KRT17: variants seen among roughly 807,000 people sequenced by gnomAD.
KRT17 encodes keratin 17, also known as keratin, type I cytoskeletal 17.
In KRT17, 29 loss-of-function variants were observed where a neutral mutation model predicts 45.6. The observed-to-expected ratio is 0.64, with a 90% CI of 0.47 to 0.87. KRT17 has a LOEUF of 0.87. Ranked by LOEUF, KRT17 falls within the 40% of genes least tolerant of loss-of-function variation. The pLI, the probability that KRT17 is intolerant of heterozygous loss-of-function variation, is 0.00. For synonymous variants in KRT17, 219 were observed against 234.6 expected (o/e 0.93, Z 0.61); for missense variants, 536 against 577.8 (o/e 0.93, Z 0.74).
chr17:41,619,889 G>T, intron 7 of KRT17: 1 of 985,266 alleles, frequency 1.0e-6, no homozygotes. Context: ...TCCCTCTGCC[G>T]GTGGCCCTGT....
rs1412393405 is a variant in KRT17, at chr17:41,620,655, T to C, written c.1181+4A>G. 1 of 1,609,934 alleles carries C rather than the reference T, an allele frequency of 6.2e-7. No homozygotes were observed. Among genetic ancestry groups the C allele is most frequent in the East Asian group, 2.2e-5 (1 of 44,780 alleles). The stretch of plus-strand genomic sequence containing the variant: ...CAGCCCTGACCCCAGGCGCCCCCAC[T>C]CACTGGGCATCCTCTCCCTCCAGCA... On this transcript the variant is annotated splice_donor_region_variant and intron_variant, in intron 6 of 7. Coordinates refer to ENST00000311208, the MANE Select transcript of KRT17 (RefSeq NM_000422.3).
At position 41,619,657 on chromosome 17, in the gene KRT17, C is replaced by G. The variant is rs760885067; in HGVS notation, c.1236G>C (p.Val412=). Residue 412 remains valine, a synonymous_variant, in exon 8 of 8, where the codon GTG becomes GTC. Coordinates refer to ENST00000311208, the MANE Select transcript of KRT17 (RefSeq NM_000422.3). ...PVTTRQVRTI[V]EEVQDGKVIS... is the part of the protein sequence containing the mutation. ...TGACCTTGCCATCCTGGACCTCTTC[C>G]ACAATGGTACGCACCTGACGGGTGG... is the stretch of plus-strand genomic sequence containing the variant. The G allele has an allele frequency of 4.3e-6, 7 of 1,612,102 alleles. No homozygotes were observed. The highest frequency in any genetic ancestry group is 5.9e-6 in the Non-Finnish European group (7 of 1,180,026).
At chr17:41,620,609 C>T (rs540441851) in intron 6 of KRT17, 50 bp downstream of exon 6, 3 of 1,611,490 alleles carry the variant, frequency 1.9e-6, no homozygotes, top group Admixed American at 3.3e-5. Flanking sequence ...TCTGAGAGCC[C>T]CACCCCTGCC....
intron 3 of KRT17, chr17:41,622,139 G>A: frequency 1.5e-6 from 1 of 658,396 alleles, no homozygotes; most frequent in Non-Finnish European, 2.7e-6. Context: ...GCCCCTGGGA[G>A]GTTCCTTGTG....
rs1374749695 is a variant in KRT17 at position 41,619,593 on chromosome 17, C to T, written c.*1G>A. The stretch of plus-strand genomic sequence containing the variant: ...GGTGGCCGGCCGGGGTAGCTGAGTC[C>T]TCAGCGGGTGGTCTGGTGGACCTGC... On this transcript the variant is annotated 3_prime_UTR_variant, in exon 8 of 8. Transcript: ENST00000311208. 6 of 1,612,064 alleles carry T rather than the reference C, an allele frequency of 3.7e-6. No individual in the cohort carries two copies. Among genetic ancestry groups the T allele is most frequent in the Non-Finnish European group, 5.1e-6 (6 of 1,180,020 alleles).
chr17:41,623,209 C>A (rs1908607027), intron 1 of KRT17, 177 bp from the exon 2 acceptor site: 2 of 607,632 alleles, frequency 3.3e-6, no homozygotes, highest in Admixed American at 2.3e-5. Context: ...AAAGGTGCCT[C>A]TTCTTCCCCC....
In KRT17 at chr17:41,621,642, T is replaced by C; in HGVS notation, c.785A>G (p.Lys262Arg). The change falls in exon 4 of 8, where the codon AAG becomes AGG. Residue 262 changes from lysine to arginine, a missense_variant. Lys to Arg is a conservative substitution (Grantham distance 26). Transcript: ENST00000311208. ...ATCCTTGCGGTTCTTCTCTGCCATCTTCTCATACTGGTCACGCATCTCGTT... is the reference window on the plus strand; with the variant it reads ...ATCCTTGCGGTTCTTCTCTGCCATCCTCTCATACTGGTCACGCATCTCGTT... The part of the protein sequence containing the change: ...ILNEMRDQYE[K>R]MAEKNRKDAE... The C allele has an allele frequency of 6.2e-7, 1 of 1,612,210 alleles. No homozygotes were observed.
chr17:41,621,354 A>G (rs1406795482), intron 4 of KRT17, among the ~76,000 whole-genome samples: 1 of 151,998 alleles, frequency 6.6e-6, no homozygotes, highest in Non-Finnish European at 1.5e-5. Context: ...AGACGTGGGG[A>G]CTCCCAAGGT....
rs1337890050 is a variant in KRT17 at position 41,619,641 on chromosome 17, C to A, written c.1252G>T (p.Gly418Cys). The A allele has an allele frequency of 1.2e-6, 2 of 1,612,250 alleles. No homozygotes were observed. The highest frequency in any genetic ancestry group is 1.7e-6 in the Non-Finnish European group (2 of 1,180,016). Residue 418 changes from glycine to cysteine, a missense_variant, in exon 8 of 8, where the codon GGC becomes TGC. Coordinates refer to ENST00000311208, the MANE Select transcript of KRT17 (RefSeq NM_000422.3). ...TGCTCGCGGGAGGAGATGACCTTGC[C>A]ATCCTGGACCTCTTCCACAATGGTA... ...VRTIVEEVQD[G>C]KVISSREQVH...
chr17:41,621,047 C>A lies in KRT17; in HGVS notation c.879G>T (p.Val293=). 2 of 1,614,078 alleles carry A rather than the reference C, an allele frequency of 1.2e-6. No individual in the cohort carries two copies. Among genetic ancestry groups the A allele is most frequent in the Non-Finnish European group, 1.7e-6 (2 of 1,179,952 alleles). The change falls in exon 5 of 8, where the codon GTG becomes GTT. Residue 293 remains valine (V), a synonymous_variant. Coordinates refer to ENST00000311208, the MANE Select transcript of KRT17 (RefSeq NM_000422.3). ...NREVATNSEL[V]QSGKSEISEL... ...CCGAGATCTCACTCTTGCCACTCTG[C>A]ACCAGCTCACTGTTGGTGGCCACCT...
At chr17:41,622,007 C>T in intron 3 of KRT17, 2 of 607,574 alleles carry the variant, frequency 3.3e-6, no homozygotes, top group South Asian at 4.1e-5. Flanking sequence ...CCAAAAGTTC[C>T]CCTCTAATTT....
chr17:41,624,187 G>C lies in KRT17; in HGVS notation c.323C>G (p.Ala108Gly). ...GATCTTCACCTCCAGCTCAGTGTTG[G>C]CCTCCTCCAGGGCACGCACCTTGTC... ...YLDKVRALEEANTELEVKIRD... is the reference protein window; with the variant it reads ...YLDKVRALEEGNTELEVKIRD... Residue 108 changes from alanine to glycine, a missense_variant, in exon 1 of 8, where the codon GCC becomes GGC. By Grantham distance (60) the Ala-to-Gly change is moderately conservative. Coordinates refer to ENST00000311208, the MANE Select transcript of KRT17 (RefSeq NM_000422.3). 1 of 1,612,596 alleles carries C rather than the reference G, an allele frequency of 6.2e-7. No homozygotes were observed. Among genetic ancestry groups the C allele is most frequent in the Non-Finnish European group, 8.5e-7 (1 of 1,180,006 alleles).
rs190234778 is a variant in KRT17, at chr17:41,621,588, C to G, written c.834+5G>C. ...GAGAGCCCTCTGGCCTGCAGCACCC[C>G]CCACCTTGCTGAAGAACCAATCCTC... On this transcript the variant is annotated splice_donor_5th_base_variant and intron_variant, in intron 4 of 7. Transcript: ENST00000311208. 7 of 1,612,014 alleles carry G rather than the reference C, an allele frequency of 4.3e-6. No individual in the cohort carries two copies. In the South Asian group the frequency reaches 7.7e-5, roughly 18 times the overall value.
chr17:41,620,092 G>A (rs1908486287), intron 7 of KRT17: 5 of 985,196 alleles, frequency 5.1e-6, no homozygotes, highest in Non-Finnish European at 6.0e-6. Flanking sequence ...ATTAGACTAG[G>A]AACCCTAAGG....
intron 3 of KRT17, 27 bp from the exon 4 acceptor site, chr17:41,621,781 C>T (rs779027447): frequency 2.1e-5 from 34 of 1,611,788 alleles, no homozygotes; most frequent in South Asian, 6.6e-5. Context: ...TGTGGATGTG[C>T]GCATCTGGAC....
At chr17:41,622,898 G>C in intron 2 of KRT17, 52 bp downstream of exon 2, 1 of 1,486,698 alleles carries the variant, frequency 6.7e-7, no homozygotes, top group Non-Finnish European at 9.4e-7. Context: ...GGGGTACCCT[G>C]AGATCCTCCG....
chr17:41,621,260 G>T (rs745677425), intron 4 of KRT17, among the ~76,000 whole-genome samples, 169 bp from the exon 5 acceptor site: 1 of 152,258 alleles, frequency 6.6e-6, no homozygotes, highest in Non-Finnish European at 1.5e-5. Context: ...TAATCCCAGC[G>T]TGTGGGAGGC....
Position 41,624,538 on chromosome 17 carries a change from G to A in KRT17, c.-29C>T, listed in dbSNP as rs1908666486. ...GGCGGCGGCAGGAGGCAGGCACACAGGAGAAGGGCTGGAGAGGAGAGGGGC... is the reference window on the plus strand; with the variant it reads ...GGCGGCGGCAGGAGGCAGGCACACAAGAGAAGGGCTGGAGAGGAGAGGGGC... On this transcript the variant is annotated 5_prime_UTR_variant, in exon 1 of 8. Coordinates refer to ENST00000311208, the MANE Select transcript of KRT17 (RefSeq NM_000422.3). The A allele has an allele frequency of 6.2e-7, 1 of 1,601,248 alleles. No individual in the cohort carries two copies. The highest frequency in any genetic ancestry group is 1.3e-5 in the African/African-American group (1 of 74,690).
intron 7 of KRT17, 121 bp downstream of exon 7, chr17:41,620,415 T>A: frequency 6.2e-7 from 1 of 1,606,432 alleles, no homozygotes; most frequent in Non-Finnish European, 8.5e-7. Context: ...GAGTCACTTC[T>A]CCCTGCTGAG....
Sources: allele counts gnomAD v4.1 joint callset (sites outside exome capture counted in the v4.1 genomes callset), GRCh38; gene constraint gnomAD v4.1.1; transcripts MANE v1.5; gene names NCBI Gene and HGNC (gene_info 2026-07-23, HGNC 2026-07-21).